The following TRIR variants were observed in gnomAD, a reference collection of about 807,000 sequenced individuals.
TRIR encodes the protein telomerase RNA component-interacting RNase.
In TRIR, 5 loss-of-function variants were observed where a neutral mutation model predicts 18.2. The ratio of observed to expected loss-of-function variants is 0.27; its 90% CI spans 0.14 to 0.58. The LOEUF is 0.58. TRIR is among the 20% of genes least tolerant of loss of function. The probability of loss-of-function intolerance (pLI) is 0.91; values close to 1 mark genes in which losing one functional copy is unlikely to be tolerated. For missense variants in TRIR, 206 were observed against 252.8 expected (o/e 0.81, Z 1.25); for synonymous variants, 134 against 114.4 (o/e 1.17, Z -1.10).
intron 1 of TRIR, among the ~76,000 whole-genome samples, chr19:12,733,517 T>C (rs1196215796): frequency 6.6e-6 from 1 of 152,144 alleles, no homozygotes; most frequent in Non-Finnish European, 1.5e-5. Context: ...GCAGCATCCC[T>C]GGCCTCTACC....
Position 12,734,247 on chromosome 19 carries a change from C to G in TRIR, c.345+66G>C. The G allele has an allele frequency of 7.4e-7, 1 of 1,351,350 alleles. No homozygotes were observed. The highest frequency in any genetic ancestry group is 9.6e-7 in the Non-Finnish European group (1 of 1,046,270). The allele number at this position is 1,351,350 out of a possible 1,614,324, so 83.7% of individuals were successfully genotyped here. ...GTGGACTTCGGTCCCGATCCCCCTTCACGGGCCCCGACTCCCGCTGCCAAG... is the reference window on the plus strand; with the variant it reads ...GTGGACTTCGGTCCCGATCCCCCTTGACGGGCCCCGACTCCCGCTGCCAAG... On this transcript the variant is annotated intron_variant, in intron 1 of 2. Coordinates refer to ENST00000242784, the MANE Select transcript of TRIR (RefSeq NM_024038.4). This position sits in a 1 kb window ranked among gnomAD's most constrained non-coding sequence, Gnocchi z 4.1.
Position 12,731,574 on chromosome 19 carries a change from G to A in TRIR, c.346-153C>T, listed in dbSNP as rs775543616. The A allele has an allele frequency of 1.6e-5, 12 of 773,968 alleles. No homozygotes were observed. The highest frequency in any genetic ancestry group is 1.8e-5 in the Non-Finnish European group (9 of 490,970). 47.9% of individuals were successfully genotyped at this position (773,968 alleles called of 1,614,324 possible). On this transcript the variant is annotated intron_variant, in intron 1 of 2. Coordinates refer to ENST00000242784, the MANE Select transcript of TRIR (RefSeq NM_024038.4). The surrounding 1 kb of genome is among the most constrained non-coding windows in gnomAD (Gnocchi z 5.1). ...CCGGCCGACCTGCGCAGCAATCAGA[G>A]AGGAGCACACGCGACTCAGCGCCTG...
At chr19:12,732,911 A>G (rs1026155039) in intron 1 of TRIR, among the ~76,000 whole-genome samples, 2 of 148,622 alleles carry the variant, frequency 1.3e-5, no homozygotes, top group Admixed American at 1.3e-4. Flanking sequence ...TTTCACACCG[A>G]TTTTTTTTTT....
Position 12,734,616 on chromosome 19 carries a change from C to G in TRIR, c.42G>C (p.Glu14Asp). Residue 14 changes from glutamate to aspartate, a missense_variant, in exon 1 of 3, where the codon GAG becomes GAC. Glu to Asp is a conservative substitution (Grantham distance 45). This residue lies in a region of TRIR where 172 missense variants were observed against 165.0 expected (regional missense o/e 1.04). Coordinates refer to ENST00000242784, the MANE Select transcript of TRIR (RefSeq NM_024038.4). The surrounding 1 kb of genome is among the most constrained non-coding windows in gnomAD (Gnocchi z 4.1). Reference sequence around the variant, plus strand: ...CGCCACCGCCCGCGGGGCCCGGAGCCTCCCGGCCCTGAGGCTCCGCCCGTC... The same window carrying G: ...CGCCACCGCCCGCGGGGCCCGGAGCGTCCCGGCCCTGAGGCTCCGCCCGTC... The part of the protein sequence containing the change: ...RGRRAEPQGR[E>D]APGPAGGGGG... 1 of 1,515,896 alleles carries G rather than the reference C, an allele frequency of 6.6e-7. No homozygotes were observed. The highest frequency in any genetic ancestry group is 8.8e-7 in the Non-Finnish European group (1 of 1,138,598). 93.9% of individuals were successfully genotyped at this position (1,515,896 alleles called of 1,614,324 possible).
Position 12,731,260 on chromosome 19 carries a change from A to G in TRIR, c.423+84T>C. ...AGGCACACTCATAAAAGGCCTGGAT[A>G]CCAGACAGGGAGGGAGAAGGCTGGG... On this transcript the variant is annotated intron_variant, in intron 2 of 2. Coordinates refer to ENST00000242784, the MANE Select transcript of TRIR (RefSeq NM_024038.4). The surrounding 1 kb of genome is among the most constrained non-coding windows in gnomAD (Gnocchi z 5.1). The G allele has an allele frequency of 1.3e-6, 2 of 1,516,490 alleles. No individual in the cohort carries two copies. Among genetic ancestry groups the G allele is most frequent in the Non-Finnish European group, 1.8e-6 (2 of 1,094,820 alleles). 93.9% of individuals were successfully genotyped at this position (1,516,490 alleles called of 1,614,324 possible). A position where few individuals can be genotyped will look rare whatever the true frequency, so the allele number is the denominator to read the frequency against.
At position 12,731,216 on chromosome 19, in the gene TRIR, A is replaced by G; in HGVS notation, c.423+128T>C. ...AGTCAAGTTATCTGGGGACCCATTG[A>G]CAGCCCTCCTACCCTGCCAGGCACA... On this transcript the variant is annotated intron_variant, in intron 2 of 2. Coordinates refer to ENST00000242784, the MANE Select transcript of TRIR (RefSeq NM_024038.4). This position sits in a 1 kb window ranked among gnomAD's most constrained non-coding sequence, Gnocchi z 5.1. 1 of 1,306,364 alleles carries G rather than the reference A, an allele frequency of 7.7e-7. No homozygotes were observed. The allele number at this position is 1,306,364 out of a possible 1,614,324, so 80.9% of individuals were successfully genotyped here.
At position 12,734,603 on chromosome 19, in the gene TRIR, C is replaced by T; in HGVS notation, c.55G>A (p.Ala19Thr). The stretch of plus-strand genomic sequence containing the variant: ...CGGCTCCCGCCACCGCCACCGCCCG[C>T]GGGGCCCGGAGCCTCCCGGCCCTGA... ...EPQGREAPGP[A>T]GGGGGGSRWA... The change falls in exon 1 of 3, where the codon GCG becomes ACG. Residue 19 changes from alanine to threonine, a missense_variant. Transcript: ENST00000242784. The surrounding 1 kb of genome is among the most constrained non-coding windows in gnomAD (Gnocchi z 4.1). The T allele has an allele frequency of 6.6e-7, 1 of 1,519,450 alleles. No individual in the cohort carries two copies. The highest frequency in any genetic ancestry group is 1.2e-5 in the South Asian group (1 of 82,096). 94.1% of individuals were successfully genotyped at this position (1,519,450 alleles called of 1,614,324 possible).
Position 12,734,297 on chromosome 19 carries a change from C to A in TRIR, c.345+16G>T, listed in dbSNP as rs1359075397. Reference sequence around the variant, plus strand: ...GACAGGCCGTGGCGCCCGCCCCCACCCCCACGGCTCCTTACGAAGCTAAGT... The same window carrying A: ...GACAGGCCGTGGCGCCCGCCCCCACACCCACGGCTCCTTACGAAGCTAAGT... On this transcript the variant is annotated intron_variant, in intron 1 of 2. Coordinates refer to ENST00000242784, the MANE Select transcript of TRIR (RefSeq NM_024038.4). This position sits in a 1 kb window ranked among gnomAD's most constrained non-coding sequence, Gnocchi z 4.1. 7.2e-6 allele frequency: 10 copies of A among 1,388,842 alleles called. No individual in the cohort carries two copies. The highest frequency in any genetic ancestry group is 9.3e-6 in the Non-Finnish European group (10 of 1,072,408). The allele number at this position is 1,388,842 out of a possible 1,614,324, so 86.0% of individuals were successfully genotyped here.
At chr19:12,732,961 TG>T (rs1188338626) in intron 1 of TRIR, among the ~76,000 whole-genome samples, 1 of 152,120 alleles carries the variant, frequency 6.6e-6, no homozygotes, top group Non-Finnish European at 1.5e-5. Context: ...TAGAGCGCAG[TG>T]GTGCAATCAT....
Position 12,734,209 on chromosome 19 carries a change from T to G in TRIR, c.345+104A>C. Reference sequence around the variant, plus strand: ...GCGGGTGACCCGGACGGGCCCCTCATTCAGAACGGAAAGTGGACTTCGGTC... The same window carrying G: ...GCGGGTGACCCGGACGGGCCCCTCAGTCAGAACGGAAAGTGGACTTCGGTC... On this transcript the variant is annotated intron_variant, in intron 1 of 2. Coordinates refer to ENST00000242784, the MANE Select transcript of TRIR (RefSeq NM_024038.4). The surrounding 1 kb of genome is among the most constrained non-coding windows in gnomAD (Gnocchi z 4.1). The G allele has an allele frequency of 1.7e-6, 2 of 1,175,908 alleles. 1 individual carries two copies. 72.8% of individuals were successfully genotyped at this position (1,175,908 alleles called of 1,614,324 possible).
In TRIR at chr19:12,730,919, A is replaced by G. The variant is rs371093491; in HGVS notation, c.*42T>C. On this transcript the variant is annotated 3_prime_UTR_variant, in exon 3 of 3. Transcript: ENST00000242784. ...GCCGCTGCATTAAATAGTTATGTACATCGCAGAGAGTCCCAGGCCATGGGC... is the reference window on the plus strand; with the variant it reads ...GCCGCTGCATTAAATAGTTATGTACGTCGCAGAGAGTCCCAGGCCATGGGC... 1.2e-4 allele frequency: 182 copies of G among 1,551,178 alleles called. No homozygotes were observed. Among genetic ancestry groups the G allele is most frequent in the Non-Finnish European group, 1.6e-4 (176 of 1,123,202 alleles).
At position 12,734,582 on chromosome 19, in the gene TRIR, T is replaced by C; in HGVS notation, c.76A>G (p.Ser26Gly). ...PGPAGGGGGG[S>G]RWAESGSGTS... is the part of the protein sequence containing the mutation. ...CCCGATCCCGACTCAGCCCAACGGC[T>C]CCCGCCACCGCCACCGCCCGCGGGG... is the stretch of plus-strand genomic sequence containing the variant. The change falls in exon 1 of 3, where the codon AGC (serine) becomes GGC (glycine). Residue 26 changes from serine (S) to glycine (G), a missense_variant. By Grantham distance (56) the Ser-to-Gly change is moderately conservative. This residue lies in a region of TRIR where 172 missense variants were observed against 165.0 expected (regional missense o/e 1.04). Transcript: ENST00000242784. The surrounding 1 kb of genome is among the most constrained non-coding windows in gnomAD (Gnocchi z 4.1). 2 of 1,522,050 alleles carry C rather than the reference T, an allele frequency of 1.3e-6. No homozygotes were observed. Among genetic ancestry groups the C allele is most frequent in the Non-Finnish European group, 1.8e-6 (2 of 1,140,290 alleles). The allele number at this position is 1,522,050 out of a possible 1,614,324, so 94.3% of individuals were successfully genotyped here. A position where few individuals can be genotyped will look rare whatever the true frequency, so the allele number is the denominator to read the frequency against.
In TRIR at chr19:12,734,385, G is replaced by T; in HGVS notation, c.273C>A (p.Pro91=). ...GGCCAGCGGCGGCGGCCGACTGGTC[G>T]GGTCGCTGCGGACCCGGGGGCGGCT... is the stretch of plus-strand genomic sequence containing the variant. ...QEEPPPGPQR[P]DQSAAAAGPG... is the part of the protein sequence containing the mutation. Residue 91 remains proline (P), a synonymous_variant, in exon 1 of 3, where the codon CCC becomes CCA. Coordinates refer to ENST00000242784, the MANE Select transcript of TRIR (RefSeq NM_024038.4). This position sits in a 1 kb window ranked among gnomAD's most constrained non-coding sequence, Gnocchi z 4.1. The T allele has an allele frequency of 6.7e-7, 1 of 1,495,510 alleles. No individual in the cohort carries two copies. Among genetic ancestry groups the T allele is most frequent in the Non-Finnish European group, 8.9e-7 (1 of 1,123,686 alleles). The allele number at this position is 1,495,510 out of a possible 1,614,324, so 92.6% of individuals were successfully genotyped here. A position where few individuals can be genotyped will look rare whatever the true frequency, so the allele number is the denominator to read the frequency against.
chr19:12,731,143 A>G lies in TRIR; in HGVS notation c.424-75T>C. On this transcript the variant is annotated intron_variant, in intron 2 of 2. Coordinates refer to ENST00000242784, the MANE Select transcript of TRIR (RefSeq NM_024038.4). The surrounding 1 kb of genome is among the most constrained non-coding windows in gnomAD (Gnocchi z 5.1). Reference sequence around the variant, plus strand: ...AGGACTGCCCTGAGACAGGTGACCCATTCCCAGTGTCACCCAGAAGACTCT... The same window carrying G: ...AGGACTGCCCTGAGACAGGTGACCCGTTCCCAGTGTCACCCAGAAGACTCT... The G allele has an allele frequency of 7.4e-7, 1 of 1,348,574 alleles. No homozygotes were observed. Among genetic ancestry groups the G allele is most frequent in the Non-Finnish European group, 1.1e-6 (1 of 939,574 alleles). The allele number at this position is 1,348,574 out of a possible 1,614,324, so 83.5% of individuals were successfully genotyped here.
intron 1 of TRIR, among the ~76,000 whole-genome samples, chr19:12,733,401 T>C (rs1967470366): frequency 6.6e-6 from 1 of 152,184 alleles, no homozygotes; most frequent in Admixed American, 6.6e-5. Flanking sequence ...ATATGCCCTA[T>C]TTACTTAATC....
Position 12,734,299 on chromosome 19 carries a change from C to T in TRIR, c.345+14G>A. The T allele has an allele frequency of 1.4e-6, 2 of 1,392,904 alleles. No individual in the cohort carries two copies. The highest frequency in any genetic ancestry group is 9.3e-7 in the Non-Finnish European group (1 of 1,074,402). The allele number at this position is 1,392,904 out of a possible 1,614,324, so 86.3% of individuals were successfully genotyped here. A position where few individuals can be genotyped will look rare whatever the true frequency, so the allele number is the denominator to read the frequency against. ...CAGGCCGTGGCGCCCGCCCCCACCC[C>T]CACGGCTCCTTACGAAGCTAAGTGT... On this transcript the variant is annotated intron_variant, in intron 1 of 2. Coordinates refer to ENST00000242784, the MANE Select transcript of TRIR (RefSeq NM_024038.4). The surrounding 1 kb of genome is among the most constrained non-coding windows in gnomAD (Gnocchi z 4.1).
Position 12,730,951 on chromosome 19 carries a change from G to C in TRIR, c.*10C>G, listed in dbSNP as rs867932101. On this transcript the variant is annotated 3_prime_UTR_variant, in exon 3 of 3. Transcript: ENST00000242784. ...AGAGTCCCAGGCCATGGGCAGGTGG[G>C]GGAGGGGCGTCATTTCACCAGGGGC... 1.9e-6 allele frequency: 3 copies of C among 1,610,676 alleles called. No homozygotes were observed. The African/African-American group carries it at 4.0e-5, about 22-fold the overall frequency.
Position 12,731,084 on chromosome 19 carries a change from A to G in TRIR, c.424-16T>C. ...TTGTTAATACCTGTGGAAAGGGGAT[A>G]CGGGTTAGGACGGGGGTGCCAGGAA... On this transcript the variant is annotated splice_polypyrimidine_tract_variant and intron_variant, in intron 2 of 2. Coordinates refer to ENST00000242784, the MANE Select transcript of TRIR (RefSeq NM_024038.4). The surrounding 1 kb of genome is among the most constrained non-coding windows in gnomAD (Gnocchi z 5.1). The G allele has an allele frequency of 6.3e-7, 1 of 1,598,054 alleles. No individual in the cohort carries two copies. The highest frequency in any genetic ancestry group is 8.6e-7 in the Non-Finnish European group (1 of 1,165,764).
At chr19:12,732,587 A>T (rs1413477168) in intron 1 of TRIR, among the ~76,000 whole-genome samples, 2 of 149,976 alleles carry the variant, frequency 1.3e-5, no homozygotes, top group Non-Finnish European at 3.0e-5. Flanking sequence ...TGCTGCTGGG[A>T]CTATTTCCAT....
Sources: gnomAD v4.1 joint callset for allele counts (sites outside exome capture counted in the v4.1 genomes callset) on GRCh38, gnomAD v4.1.1 for gene constraint, gnomAD v4.1.1 regional missense constraint, Gnocchi (gnomAD v3.1) non-coding constraint, MANE v1.5 for transcripts, NCBI Gene and HGNC (gene_info 2026-07-23, HGNC 2026-07-21) for gene names.